RPS6KC1: variants seen among roughly 807,000 people sequenced by gnomAD.
RPS6KC1 encodes the protein inactive ribosomal protein S6 kinase delta-1.
A neutral mutation model predicts 103.8 loss-of-function variants in RPS6KC1; 54 were observed. The ratio of observed to expected loss-of-function variants is 0.52; its 90% CI spans 0.42 to 0.65. The LOEUF (loss-of-function observed/expected upper bound fraction) is 0.65. RPS6KC1 is among the 30% of genes least tolerant of loss of function. The pLI, the probability that RPS6KC1 is intolerant of heterozygous loss-of-function variation, is 0.00. For synonymous variants in RPS6KC1, 439 were observed against 438.7 expected, an observed-to-expected ratio of 1.00 and a Z score of -0.01; for missense variants, 1,151 against 1,253.8, an observed-to-expected ratio of 0.92 and a Z score of 1.24.
At chr1:213,831,735 C>A in the RPS6KC1 span, among the ~76,000 whole-genome samples, 1 of 152,086 alleles carries the variant, frequency 6.6e-6, no homozygotes, top group African/African-American at 2.4e-5. Context: ...AGATTGAAAT[C>A]ATAAGCTATC....
At chr1:213,281,301 G>C in the RPS6KC1 span, among the ~76,000 whole-genome samples, 1 of 152,220 alleles carries the variant, frequency 6.6e-6, no homozygotes, top group African/African-American at 2.4e-5. Context: ...ATGATATGGG[G>C]GAAAGGGGAC....
chr1:213,406,133 A>C, the RPS6KC1 span, among the ~76,000 whole-genome samples: 1 of 152,190 alleles, frequency 6.6e-6, no homozygotes, highest in Non-Finnish European at 1.5e-5. Flanking sequence ...CGGAGTGAGC[A>C]GGAATGGGGC....
intron 1 of RPS6KC1, 116 bp downstream of exon 1, chr1:213,051,625 C>G: frequency 1.4e-6 from 1 of 708,206 alleles, no homozygotes; most frequent in Non-Finnish European, 2.4e-6. Context: ...GGACTGGGTG[C>G]TGCTCCTACT....
At chr1:213,854,566 C>CTTTCTT in the RPS6KC1 span, among the ~76,000 whole-genome samples, 560 of 61,760 alleles carry the variant, frequency 9.1e-3, 4 homozygotes, top group South Asian at 0.017. Context: ...CTTTCTTTCT[C>CTTTCTT]TCTCTCTCTC....
At chr1:213,474,820 T>TAA in the RPS6KC1 span, among the ~76,000 whole-genome samples, 1 of 150,712 alleles carries the variant, frequency 6.6e-6, no homozygotes, top group African/African-American at 2.4e-5. Flanking sequence ...AAATTCAAAT[T>TAA]AAAAAAAAAG....
At chr1:213,614,940 C>T in the RPS6KC1 span, among the ~76,000 whole-genome samples, 79,981 of 151,938 alleles carry the variant, frequency 0.53, 24,473 homozygotes, top group Non-Finnish European at 0.7. Flanking sequence ...GATCTCCTGG[C>T]CTCAAAAAAT....
the RPS6KC1 span, among the ~76,000 whole-genome samples, chr1:213,327,236 A>AAAGAAAGAAAGAAAGAAAG: frequency 6.9e-5 from 10 of 144,692 alleles, no homozygotes; most frequent in African/African-American, 2.6e-4. Context: ...GAAAGAAAAG[A>AAAGAAAGAAAGAAAGAAAG]AAAGAAAGAA....
At chr1:213,586,328 C>T in the RPS6KC1 span, among the ~76,000 whole-genome samples, 1 of 152,340 alleles carries the variant, frequency 6.6e-6, no homozygotes, top group East Asian at 1.9e-4. Context: ...CCTGGCTCGG[C>T]CACACCGCAA....
chr1:213,382,151 C>A, the RPS6KC1 span, among the ~76,000 whole-genome samples: 3 of 152,158 alleles, frequency 2.0e-5, no homozygotes, highest in African/African-American at 7.2e-5. Flanking sequence ...TACATCTGCT[C>A]CCTAAAACCT....
chr1:213,498,772 ATTTTTTT>A, the RPS6KC1 span, among the ~76,000 whole-genome samples: 1 of 112,026 alleles, frequency 8.9e-6, no homozygotes, highest in African/African-American at 3.3e-5. Context: ...GTTTTCTAAG[ATTTTTTT>A]TTTTTTTTTT....
At chr1:213,248,587 C>A (rs2094494187) in intron 12 of RPS6KC1, among the ~76,000 whole-genome samples, 1 of 152,078 alleles carries the variant, frequency 6.6e-6, no homozygotes, top group South Asian at 2.1e-4. Flanking sequence ...CAAAAAAGGC[C>A]TCAAGTTAAC....
At chr1:213,307,063 T>G in the RPS6KC1 span, among the ~76,000 whole-genome samples, 4 of 147,900 alleles carry the variant, frequency 2.7e-5, no homozygotes, top group African/African-American at 7.6e-5. Flanking sequence ...GATGCAGGTT[T>G]TTTTTTTTTT....
At chr1:213,453,717 G>A in the RPS6KC1 span, among the ~76,000 whole-genome samples, 1 of 152,194 alleles carries the variant, frequency 6.6e-6, no homozygotes, top group African/African-American at 2.4e-5. Context: ...ACAAGTCAGT[G>A]CCTTTGGTTT....
At chr1:213,165,736 T>C (rs1343671504) in intron 6 of RPS6KC1, among the ~76,000 whole-genome samples, 1 of 152,164 alleles carries the variant, frequency 6.6e-6, no homozygotes, top group Non-Finnish European at 1.5e-5. Flanking sequence ...TTTATGTTTT[T>C]AGTAGAGACT....
chr1:213,624,327 T>G, the RPS6KC1 span, among the ~76,000 whole-genome samples: 1 of 152,310 alleles, frequency 6.6e-6, no homozygotes, highest in African/African-American at 2.4e-5. Context: ...AATGTATGTA[T>G]GCAATGATCT....
intron 1 of RPS6KC1, among the ~76,000 whole-genome samples, chr1:213,060,787 T>C (rs182773411): frequency 2.6e-5 from 4 of 152,366 alleles, no homozygotes; most frequent in African/African-American, 9.6e-5. Flanking sequence ...ACTGAGTATC[T>C]AGAGATAACT....
chr1:213,742,140 C>G, the RPS6KC1 span, among the ~76,000 whole-genome samples: 12 of 152,072 alleles, frequency 7.9e-5, no homozygotes, highest in Non-Finnish European at 1.5e-4. Context: ...ATTATTTGAA[C>G]CAAACACACA....
chr1:213,331,737 C>T, the RPS6KC1 span, among the ~76,000 whole-genome samples: 5 of 152,134 alleles, frequency 3.3e-5, no homozygotes, highest in African/African-American at 1.2e-4. Context: ...GTGTGTAAAA[C>T]AGAGGTGAAG....
At chr1:213,453,115 C>T in the RPS6KC1 span, among the ~76,000 whole-genome samples, 2 of 152,048 alleles carry the variant, frequency 1.3e-5, no homozygotes, top group African/African-American at 4.8e-5. Context: ...CCTTGTTATT[C>T]TCATCCACTG....
Sources: allele counts gnomAD v4.1 joint callset (sites outside exome capture counted in the v4.1 genomes callset), GRCh38; gene constraint gnomAD v4.1.1; transcripts MANE v1.5; gene names NCBI Gene and HGNC (gene_info 2026-07-23, HGNC 2026-07-21).